Variants in GALNTL6 observed in about 807,000 individuals in gnomAD.
GALNTL6 encodes the protein polypeptide N-acetylgalactosaminyltransferase like 6, also known as polypeptide N-acetylgalactosaminyltransferase-like 6.
GALNTL6 carries 46 observed loss-of-function variants against 73.7 expected under a neutral mutation model. That is an observed-to-expected ratio of 0.62 (90% CI 0.49 to 0.80). The LOEUF (loss-of-function observed/expected upper bound fraction) is 0.80, where lower values mean the gene tolerates loss of function less well. GALNTL6 is among the 30% of genes least tolerant of loss of function. The probability of loss-of-function intolerance (pLI) is 0.00; values close to 1 mark genes in which losing one functional copy is unlikely to be tolerated. For synonymous variants in GALNTL6, 259 were observed against 263.7 expected, an observed-to-expected ratio of 0.98 and a Z score of 0.17; for missense variants, 604 against 755.0, an observed-to-expected ratio of 0.80 and a Z score of 2.34.
chr4:172,818,140 A>G (rs72998195), intron 7 of GALNTL6, among the ~76,000 whole-genome samples: 2,756 of 152,300 alleles, frequency 0.018, 73 homozygotes, highest in African/African-American at 0.059. Context: ...ACTGCTGCCA[A>G]CGTTTCTCCA....
At chr4:173,033,717 G>A (rs1385555447) in intron 12 of GALNTL6, among the ~76,000 whole-genome samples, 1 of 152,142 alleles carries the variant, frequency 6.6e-6, no homozygotes, top group Non-Finnish European at 1.5e-5. Context: ...ATAAAACTAG[G>A]ATTAAAACTG....
intron 2 of GALNTL6, among the ~76,000 whole-genome samples, chr4:171,845,869 A>G (rs1734686720): frequency 6.6e-6 from 1 of 152,192 alleles, no homozygotes; most frequent in Non-Finnish European, 1.5e-5. Context: ...AGAGTGTTCC[A>G]TTATGTAATT....
intron 7 of GALNTL6, among the ~76,000 whole-genome samples, chr4:172,826,422 G>A (rs959700847): frequency 6.6e-6 from 1 of 152,188 alleles, no homozygotes; most frequent in African/African-American, 2.4e-5. Context: ...GGTGGACAAG[G>A]AAGCCCACAC....
intron 5 of GALNTL6, among the ~76,000 whole-genome samples, chr4:172,611,770 A>G (rs1419521776): frequency 3.3e-5 from 5 of 152,050 alleles, no homozygotes; most frequent in African/African-American, 1.2e-4. Context: ...TATCTCATGA[A>G]GGCGTTTTGC....
chr4:172,404,094 CTCTCTG>C lies in GALNTL6; in HGVS notation c.553+55407_553+55412del, dbSNP rs199727049. ...TTCATTTATTTCTCTTTCTCTCTCT[CTCTCTG>C]TAAGTATATATACATACCCTTAGTT... On this transcript the variant is annotated intron_variant, in intron 5 of 12. Coordinates refer to ENST00000506823, the MANE Select transcript of GALNTL6 (RefSeq NM_001034845.3). Among the ~76,000 whole-genome samples, 1,335 of 152,146 alleles carry C rather than the reference CTCTCTG, an allele frequency of 8.8e-3. 11 individuals carry two copies. Among genetic ancestry groups the C allele is most frequent in the Admixed American group, 0.018 (267 of 15,220 alleles).
chr4:171,994,245 C>A (rs1199206404), intron 2 of GALNTL6, among the ~76,000 whole-genome samples: 1 of 152,102 alleles, frequency 6.6e-6, no homozygotes, highest in Non-Finnish European at 1.5e-5. Flanking sequence ...GGAGCGGCCA[C>A]TCAAACATTG....
rs770606628 is a variant in GALNTL6, at chr4:172,633,575, C to A, written c.554-175786C>A. 2.0e-5 allele frequency among the ~76,000 whole-genome samples: 3 copies of A among 152,134 alleles called. No homozygotes were observed. In the South Asian group the frequency reaches 6.2e-4, roughly 31 times the overall value. On this transcript the variant is annotated intron_variant, in intron 5 of 12. Transcript: ENST00000506823. ...TAGGTGGGAGGGACTTGCCTTGTCT[C>A]AGATAAGACTTTAAACTGTGGACCT...
At chr4:172,573,510 T>A (rs975775851) in intron 5 of GALNTL6, among the ~76,000 whole-genome samples, 3 of 152,150 alleles carry the variant, frequency 2.0e-5, no homozygotes, top group African/African-American at 7.2e-5. Flanking sequence ...TTTGAAGCAA[T>A]GGTGGCTTTT....
intron 4 of GALNTL6, among the ~76,000 whole-genome samples, chr4:172,327,838 T>G (rs894566637): frequency 1.3e-5 from 2 of 152,168 alleles, no homozygotes; most frequent in African/African-American, 4.8e-5. Flanking sequence ...GCTTGCTTTT[T>G]TTATACAGCT....
At chr4:172,539,348 T>G (rs2110868658) in intron 5 of GALNTL6, among the ~76,000 whole-genome samples, 1 of 152,316 alleles carries the variant, frequency 6.6e-6, no homozygotes, top group Admixed American at 6.5e-5. Context: ...TTACATAAAC[T>G]ATTGTTACCA....
Position 172,240,034 on chromosome 4 carries a change from G to A in GALNTL6, c.247+10270G>A, listed in dbSNP as rs187432319. Among the ~76,000 whole-genome samples, 3 of 152,248 alleles carry A rather than the reference G, an allele frequency of 2.0e-5. No homozygotes were observed. In the East Asian group the frequency reaches 5.8e-4, roughly 29 times the overall value. On this transcript the variant is annotated intron_variant, in intron 3 of 12. Coordinates refer to ENST00000506823, the MANE Select transcript of GALNTL6 (RefSeq NM_001034845.3). ...ACCTTGGAGAATCTAATGAGTATGT[G>A]TCTTGGGGTTCTCTGCATTTCCTGA...
chr4:172,564,284 T>C (rs917456328), intron 5 of GALNTL6, among the ~76,000 whole-genome samples: 3 of 152,200 alleles, frequency 2.0e-5, no homozygotes, highest in African/African-American at 7.2e-5. Context: ...CATAGTCCAA[T>C]CATGTTGAGA....
rs540590401 is a variant in GALNTL6 at position 172,238,915 on chromosome 4, A to G, written c.247+9151A>G. The stretch of plus-strand genomic sequence containing the variant: ...TGATGAATCACATTTATTGATTTGC[A>G]TATGTTGAACCAACCTTGTAGCCCA... On this transcript the variant is annotated intron_variant, in intron 3 of 12. Coordinates refer to ENST00000506823, the MANE Select transcript of GALNTL6 (RefSeq NM_001034845.3). Among the ~76,000 whole-genome samples the G allele has an allele frequency of 2.6e-5, 4 of 152,198 alleles. No homozygotes were observed. The East Asian group carries it at 5.8e-4, about 22-fold the overall frequency.
chr4:172,126,275 A>T (rs1006516336), intron 2 of GALNTL6, among the ~76,000 whole-genome samples: 3 of 152,156 alleles, frequency 2.0e-5, no homozygotes, highest in African/African-American at 7.2e-5. Flanking sequence ...TTTGGAAGTG[A>T]CTTAGACATT....
At chr4:172,339,103 C>T (rs966999000) in intron 4 of GALNTL6, among the ~76,000 whole-genome samples, 1 of 152,126 alleles carries the variant, frequency 6.6e-6, no homozygotes, top group Admixed American at 6.5e-5. Flanking sequence ...ACTGTGGTCT[C>T]TGCGTAAGAA....
intron 10 of GALNTL6, among the ~76,000 whole-genome samples, chr4:172,965,214 C>A (rs756608990): frequency 4.6e-5 from 7 of 152,194 alleles, no homozygotes; most frequent in Non-Finnish European, 8.8e-5. Flanking sequence ...AACTGCATTA[C>A]CCTCTCAAAT....
intron 2 of GALNTL6, among the ~76,000 whole-genome samples, chr4:171,868,837 A>G (rs776921334): frequency 1.6e-4 from 24 of 151,944 alleles, no homozygotes; most frequent in Admixed American, 4.6e-4. Flanking sequence ...GTGGGCCCCC[A>G]CCTGGCTAAG....
intron 5 of GALNTL6, among the ~76,000 whole-genome samples, chr4:172,447,459 A>G (rs1214936288): frequency 6.6e-6 from 1 of 152,196 alleles, no homozygotes; most frequent in Admixed American, 6.6e-5. Context: ...CAAACTTTAC[A>G]TTTCCCCATA....
intron 2 of GALNTL6, among the ~76,000 whole-genome samples, chr4:171,962,345 A>C (rs1485414264): frequency 6.6e-6 from 1 of 152,160 alleles, no homozygotes; most frequent in Non-Finnish European, 1.5e-5. Context: ...ACCAAATGAG[A>C]TAGGAGATCC....
Sources: gnomAD v4.1 joint callset for allele counts (sites outside exome capture counted in the v4.1 genomes callset) on GRCh38, gnomAD v4.1.1 for gene constraint, MANE v1.5 for transcripts, NCBI Gene and HGNC (gene_info 2026-07-23, HGNC 2026-07-21) for gene names.